CNTNAP5: variants seen among roughly 807,000 people sequenced by gnomAD.
The protein encoded by CNTNAP5 is contactin-associated protein-like 5.
In CNTNAP5, 72 loss-of-function variants were observed where a neutral mutation model predicts 150.2. That is an observed-to-expected ratio of 0.48 (90% CI 0.40 to 0.58). CNTNAP5 has a LOEUF of 0.58. Among genes scored for constraint, CNTNAP5 ranks in the 20% least tolerant of loss-of-function variants. CNTNAP5 has a pLI of 0.00. For synonymous variants in CNTNAP5, 672 were observed against 619.8 expected (o/e 1.08, Z -1.25); for missense variants, 1,636 against 1,626.2 (o/e 1.01, Z -0.10).
intron 17 of CNTNAP5, among the ~76,000 whole-genome samples, chr2:124,787,557 A>C (rs1381000968): frequency 1.3e-5 from 2 of 152,190 alleles, no homozygotes; most frequent in African/African-American, 4.8e-5. Context: ...TGGATGTAGC[A>C]AGTGAATGTC....
intron 3 of CNTNAP5, among the ~76,000 whole-genome samples, chr2:124,393,317 T>C (rs1205932140): frequency 6.6e-6 from 1 of 152,188 alleles, no homozygotes; most frequent in African/African-American, 2.4e-5. Context: ...TGATTGCTCA[T>C]GTGCTCTTCA....
intron 3 of CNTNAP5, among the ~76,000 whole-genome samples, chr2:124,254,400 G>T (rs1315413029): frequency 6.6e-6 from 1 of 152,170 alleles, no homozygotes; most frequent in African/African-American, 2.4e-5. Context: ...GCTGGTAAGG[G>T]GGGCAGTCTC....
chr2:124,196,423 C>T (rs189540590), intron 1 of CNTNAP5, among the ~76,000 whole-genome samples: 18 of 152,172 alleles, frequency 1.2e-4, no homozygotes, highest in African/African-American at 2.9e-4. Context: ...AAAAATAAGA[C>T]GTGTACACAG....
chr2:124,378,733 TCA>T (rs1690715568), intron 3 of CNTNAP5, among the ~76,000 whole-genome samples: 1 of 152,116 alleles, frequency 6.6e-6, no homozygotes, highest in African/African-American at 2.4e-5. Flanking sequence ...CTGTTGAGGT[TCA>T]GAGTGTGTAT....
chr2:124,409,715 C>T (rs1221492032), intron 3 of CNTNAP5, among the ~76,000 whole-genome samples: 46 of 147,954 alleles, frequency 3.1e-4, no homozygotes, highest in African/African-American at 1.0e-3. Flanking sequence ...CCTAAAAGAG[C>T]TCCTGAAGGA....
At chr2:124,399,715 C>T (rs763989808) in intron 3 of CNTNAP5, among the ~76,000 whole-genome samples, 7 of 152,148 alleles carry the variant, frequency 4.6e-5, no homozygotes, top group African/African-American at 1.2e-4. Context: ...TGACTTTCTG[C>T]GGTATGGAAT....
intron 20 of CNTNAP5, among the ~76,000 whole-genome samples, chr2:124,868,892 A>C (rs1312400227): frequency 6.6e-6 from 1 of 152,180 alleles, no homozygotes; most frequent in African/African-American, 2.4e-5. Context: ...GCATAGTCAG[A>C]GTAGAGCCTG....
chr2:124,526,150 T>A (rs1424590321), intron 9 of CNTNAP5, among the ~76,000 whole-genome samples: 3 of 152,206 alleles, frequency 2.0e-5, no homozygotes, highest in South Asian at 2.1e-4. Flanking sequence ...CCTCCCTCAG[T>A]TGAAGAAGCG....
At chr2:124,600,361 G>A (rs1208414496) in intron 11 of CNTNAP5, among the ~76,000 whole-genome samples, 1 of 152,056 alleles carries the variant, frequency 6.6e-6, no homozygotes, top group Non-Finnish European at 1.5e-5. Flanking sequence ...TGAAGGAGAA[G>A]GTAGCCCATC....
chr2:124,783,929 A>G (rs1425067204), intron 17 of CNTNAP5, among the ~76,000 whole-genome samples: 1 of 152,208 alleles, frequency 6.6e-6, no homozygotes, highest in Non-Finnish European at 1.5e-5. Context: ...AGTCTACAGT[A>G]GGATTTCCTC....
chr2:124,552,400 A>T (rs867419825), intron 10 of CNTNAP5, among the ~76,000 whole-genome samples: 1 of 152,190 alleles, frequency 6.6e-6, no homozygotes, highest in South Asian at 2.1e-4. Context: ...GCCCTTGAAC[A>T]TATTGGCAAT....
At chr2:124,824,536 G>A (rs1048768602) in intron 19 of CNTNAP5, among the ~76,000 whole-genome samples, 5 of 152,142 alleles carry the variant, frequency 3.3e-5, no homozygotes, top group African/African-American at 1.2e-4. Flanking sequence ...GATCAGGGGA[G>A]GCTTCACTCA....
intron 3 of CNTNAP5, among the ~76,000 whole-genome samples, chr2:124,372,069 C>T (rs1482869149): frequency 6.6e-6 from 1 of 152,012 alleles, no homozygotes; most frequent in Non-Finnish European, 1.5e-5. Flanking sequence ...GTCCAATTGG[C>T]TGCCAGCCTG....
chr2:124,690,024 A>AC (rs1679269078), intron 13 of CNTNAP5, among the ~76,000 whole-genome samples: 1 of 151,512 alleles, frequency 6.6e-6, no homozygotes, highest in Non-Finnish European at 1.5e-5. Context: ...CTTACGGGAA[A>AC]TTTTTTTTTG....
At chr2:124,853,135 G>T (rs1683190147) in intron 19 of CNTNAP5, among the ~76,000 whole-genome samples, 1 of 152,222 alleles carries the variant, frequency 6.6e-6, no homozygotes, top group Non-Finnish European at 1.5e-5. Context: ...GTAGTAAAGG[G>T]AGAATGAGAG....
chr2:124,178,271 G>A (rs982967989), intron 1 of CNTNAP5, among the ~76,000 whole-genome samples: 8 of 152,116 alleles, frequency 5.3e-5, no homozygotes, highest in East Asian at 3.9e-4. Flanking sequence ...CTCACTGTAC[G>A]TGTAGAAATT....
At chr2:124,455,683 C>A (rs993213853) in intron 6 of CNTNAP5, among the ~76,000 whole-genome samples, 1 of 149,668 alleles carries the variant, frequency 6.7e-6, no homozygotes, top group Non-Finnish European at 1.5e-5. Flanking sequence ...GCTAGCTAAC[C>A]AAATCCAACA....
At chr2:124,705,727 G>A (rs17321198) in intron 13 of CNTNAP5, among the ~76,000 whole-genome samples, 1 of 150,160 alleles carries the variant, frequency 6.7e-6, no homozygotes, top group African/African-American at 2.5e-5. Context: ...AAAATGAGTA[G>A]CGTAAAAATC....
chr2:124,754,935 G>GA (rs1409268719), intron 14 of CNTNAP5, among the ~76,000 whole-genome samples: 1 of 151,448 alleles, frequency 6.6e-6, no homozygotes, highest in Non-Finnish European at 1.5e-5. Context: ...AAGAGATAAA[G>GA]AAAAAATATG....
Sources: allele counts gnomAD v4.1 joint callset (sites outside exome capture counted in the v4.1 genomes callset), GRCh38; gene constraint gnomAD v4.1.1; transcripts MANE v1.5; gene names NCBI Gene and HGNC (gene_info 2026-07-23, HGNC 2026-07-21).